Variants in USP26 observed in about 807,000 individuals in gnomAD.
The protein encoded by USP26 is ubiquitin carboxyl-terminal hydrolase 26.
For missense variants in USP26, 649 were observed against 642.3 expected, an observed-to-expected ratio of 1.01 and a Z score of -0.11; for synonymous variants, 236 against 240.6, an observed-to-expected ratio of 0.98 and a Z score of 0.18.
chrX:133,051,394 G>A (rs1336767337), intron 5 of USP26, among the ~76,000 whole-genome samples: 1 of 111,737 alleles, frequency 8.9e-6, no homozygotes, highest in Non-Finnish European at 1.9e-5. Context: ...AATACAACCA[G>A]AATTGAAAAG....
In USP26 at chrX:133,092,953, C is replaced by T. The variant is rs1160679421; in HGVS notation, c.-392-1510G>A. On this transcript the variant is annotated intron_variant, in intron 1 of 5. Transcript: ENST00000511190. Reference sequence around the variant, plus strand: ...CTAGATAATATATATAATTCAAATCCAAATCAAGAATAAACCAGGCTAGGC... The same window carrying T: ...CTAGATAATATATATAATTCAAATCTAAATCAAGAATAAACCAGGCTAGGC... Among the ~76,000 whole-genome samples, 3 of 111,415 alleles carry T rather than the reference C, an allele frequency of 2.7e-5. No individual in the cohort carries two copies. The Admixed American group carries it at 2.9e-4, about 11-fold the overall frequency.
chrX:133,043,590 C>T (rs758334414), intron 5 of USP26, among the ~76,000 whole-genome samples: 24 of 112,441 alleles, frequency 2.1e-4, no homozygotes, highest in African/African-American at 5.8e-4. Context: ...AGCAGACAGG[C>T]GGGGCTGGGG....
At chrX:133,080,359 C>T (rs1233518593) in intron 5 of USP26, among the ~76,000 whole-genome samples, 1 of 111,267 alleles carries the variant, frequency 9.0e-6, no homozygotes, top group Non-Finnish European at 1.9e-5. Flanking sequence ...ATTTTAAATT[C>T]AGCTAAGCCC....
chrX:133,044,942 A>G (rs2067433339), intron 5 of USP26, among the ~76,000 whole-genome samples: 1 of 111,527 alleles, frequency 9.0e-6, no homozygotes, highest in Non-Finnish European at 1.9e-5. Flanking sequence ...TAAATGCACC[A>G]ATCAGTGCTC....
At chrX:133,083,606 A>G (rs1289853262) in intron 5 of USP26, 101 bp downstream of exon 5, 1 of 111,650 alleles carries the variant, frequency 9.0e-6, no homozygotes, top group East Asian at 2.8e-4. Context: ...TAACACTCAT[A>G]TAGGCTGTGA....
At chrX:133,045,311 G>A (rs2067434986) in intron 5 of USP26, among the ~76,000 whole-genome samples, 1 of 111,895 alleles carries the variant, frequency 8.9e-6, no homozygotes, top group East Asian at 2.8e-4. Flanking sequence ...TCAGCACCCT[G>A]TCAAAACGGA....
intron 5 of USP26, among the ~76,000 whole-genome samples, chrX:133,029,761 C>G (rs1412843161): frequency 8.9e-6 from 1 of 111,798 alleles, no homozygotes; most frequent in South Asian, 3.8e-4. Context: ...ATCTAAGACC[C>G]TCTTGATATT....
intron 5 of USP26, among the ~76,000 whole-genome samples, chrX:133,065,290 A>T (rs1187775160): frequency 8.9e-6 from 1 of 111,943 alleles, no homozygotes; most frequent in Non-Finnish European, 1.9e-5. Context: ...GCCGAATTCT[A>T]CCAGACATAC....
chrX:133,079,759 AATT>A (rs1361270583), intron 5 of USP26, among the ~76,000 whole-genome samples: 1 of 112,053 alleles, frequency 8.9e-6, no homozygotes, highest in Admixed American at 9.5e-5. Context: ...AGAAAGAGAA[AATT>A]ATTAAGAAGC....
chrX:133,028,305 A>G lies in USP26; in HGVS notation c.-76-9T>C. ...CTGTTTTGCAAGTTCAGCTGTGAAG[A>G]CAACACCAAAGAAATAGTTCATTAG... On this transcript the variant is annotated splice_polypyrimidine_tract_variant and intron_variant, in intron 5 of 5. Transcript: ENST00000511190. 9.7e-7 allele frequency: 1 copy of G among 1,033,920 alleles called. No homozygotes were observed. The highest frequency in any genetic ancestry group is 1.4e-6 in the Non-Finnish European group (1 of 740,623). The allele number at this position is 1,033,920 out of a possible 1,213,427, so 85.2% of individuals were successfully genotyped here.
At chrX:133,089,363 C>T (rs1456108284) in intron 4 of USP26, among the ~76,000 whole-genome samples, 2 of 111,583 alleles carry the variant, frequency 1.8e-5, no homozygotes, top group African/African-American at 3.3e-5. Flanking sequence ...TTTTTACAGG[C>T]GAGGAAAGAA....
chrX:133,056,581 G>A (rs1371193738), intron 5 of USP26, among the ~76,000 whole-genome samples: 1 of 111,295 alleles, frequency 9.0e-6, no homozygotes, highest in Non-Finnish European at 1.9e-5. Flanking sequence ...CCTCAGGTGA[G>A]TCATCCTTAA....
chrX:133,026,674 A>T lies in USP26; in HGVS notation c.1547T>A (p.Ile516Asn). 1 of 1,210,536 alleles carries T rather than the reference A, an allele frequency of 8.3e-7. No individual in the cohort carries two copies. The highest frequency in any genetic ancestry group is 1.1e-6 in the Non-Finnish European group (1 of 895,138). ...ATAGCGTTTGAGGTGAACAATAAGG[A>T]TTCTAGGTAGCCTACTGAATGAGTG... ...GVHSFSRLPR[I>N]LIVHLKRYSL... Residue 516 changes from isoleucine (I) to asparagine (N), a missense_variant, in exon 6 of 6, where the codon ATC (isoleucine) becomes AAC (asparagine). By Grantham distance (149) the Ile-to-Asn change is moderately radical. Coordinates refer to ENST00000511190, the MANE Select transcript of USP26 (RefSeq NM_031907.3).
At chrX:133,069,389 A>C (rs1175219578) in intron 5 of USP26, among the ~76,000 whole-genome samples, 2 of 111,453 alleles carry the variant, frequency 1.8e-5, no homozygotes, top group African/African-American at 3.3e-5. Flanking sequence ...GGTTGGAGTC[A>C]CAATTATGAA....
chrX:133,041,924 C>T (rs1201317025), intron 5 of USP26, among the ~76,000 whole-genome samples: 1 of 112,459 alleles, frequency 8.9e-6, no homozygotes. Context: ...GAGGAGGAAT[C>T]TAGAGAGGCA....
chrX:133,036,345 G>A lies in USP26; in HGVS notation c.-76-8049C>T, dbSNP rs772347774. 3.3e-3 allele frequency among the ~76,000 whole-genome samples: 366 copies of A among 109,382 alleles called. 1 individual carries two copies. The highest frequency in any genetic ancestry group is 0.014 in the Middle Eastern group (3 of 212). The allele number at this position is 109,382 out of a possible 115,157, so 95.0% of individuals were successfully genotyped here. On this transcript the variant is annotated intron_variant, in intron 5 of 5. Coordinates refer to ENST00000511190, the MANE Select transcript of USP26 (RefSeq NM_031907.3). ...CCCCTTTCCCCCCACCCACCAGCAG[G>A]CCCTGGTGTATGATGTTCCTCTCCC...
chrX:133,066,329 C>T (rs1340775508), intron 5 of USP26, among the ~76,000 whole-genome samples: 2 of 111,699 alleles, frequency 1.8e-5, no homozygotes, highest in Non-Finnish European at 3.8e-5. Context: ...ATGCTATTTC[C>T]ATCAAGCTAC....
At chrX:133,047,615 C>G (rs968817801) in intron 5 of USP26, among the ~76,000 whole-genome samples, 1 of 111,846 alleles carries the variant, frequency 8.9e-6, no homozygotes, top group Non-Finnish European at 1.9e-5. Flanking sequence ...CCCCACCTTC[C>G]CCCCATATTC....
chrX:133,043,839 G>T (rs1460280827), intron 5 of USP26, among the ~76,000 whole-genome samples: 1 of 111,951 alleles, frequency 8.9e-6, no homozygotes, highest in African/African-American at 3.2e-5. Context: ...GGAGGCCGAG[G>T]TGGCAGTGAG....
Sources: gnomAD v4.1 joint callset for allele counts (sites outside exome capture counted in the v4.1 genomes callset) on GRCh38, gnomAD v4.1.1 for gene constraint, MANE v1.5 for transcripts, NCBI Gene and HGNC (gene_info 2026-07-23, HGNC 2026-07-21) for gene names.